ALX4: variants seen among roughly 807,000 people sequenced by gnomAD.
ALX4 encodes homeobox protein aristaless-like 4.
ALX4 carries 22 observed loss-of-function variants against 40.6 expected under a neutral mutation model. That is an observed-to-expected ratio of 0.54 (90% CI 0.39 to 0.77). ALX4 has a LOEUF of 0.77. ALX4 is among the 30% of genes least tolerant of loss of function. The pLI, the probability that ALX4 is intolerant of heterozygous loss-of-function variation, is 0.00. For missense variants in ALX4, 556 were observed against 564.8 expected (o/e 0.98, Z 0.16); for synonymous variants, 266 against 240.5 (o/e 1.11, Z -0.98).
chr11:44,286,717 T>G (rs1178626658), intron 1 of ALX4, among the ~76,000 whole-genome samples: 1 of 152,044 alleles, frequency 6.6e-6, no homozygotes, highest in Non-Finnish European at 1.5e-5. Flanking sequence ...CAGGGGTCTT[T>G]CCTCCCCTAG....
chr11:44,307,576 A>C (rs938631396), intron 1 of ALX4, among the ~76,000 whole-genome samples: 5 of 152,220 alleles, frequency 3.3e-5, no homozygotes. Context: ...ATTTTCATTA[A>C]AATATGAAAA....
At chr11:44,269,555 C>CA (rs1365879339) in intron 2 of ALX4, among the ~76,000 whole-genome samples, 24 of 152,348 alleles carry the variant, frequency 1.6e-4, no homozygotes, top group African/African-American at 5.3e-4. Flanking sequence ...CACGCACGTG[C>CA]ATGTGTGCAC....
intron 1 of ALX4, among the ~76,000 whole-genome samples, chr11:44,292,536 A>G (rs1343323020): frequency 1.3e-5 from 2 of 152,100 alleles, no homozygotes; most frequent in African/African-American, 4.8e-5. Flanking sequence ...GTACTTTAGG[A>G]AAGTCATCAA....
intron 1 of ALX4, among the ~76,000 whole-genome samples, chr11:44,279,170 G>A (rs1386778099): frequency 6.6e-6 from 1 of 152,110 alleles, no homozygotes; most frequent in Non-Finnish European, 1.5e-5. Context: ...CTGCCCCCAG[G>A]ACAGCAGAAC....
At position 44,260,712 on chromosome 11, in the gene ALX4, C is replaced by A. The variant is rs1590682848; in HGVS notation, c.*4142G>T. The A allele has an allele frequency of 1.3e-5, 2 of 151,970 alleles. No homozygotes were observed. The highest frequency in any genetic ancestry group is 1.3e-4 in the Admixed American group (2 of 15,278). 9.4% of individuals were successfully genotyped at this position (151,970 alleles called of 1,614,324 possible). On this transcript the variant is annotated 3_prime_UTR_variant, in exon 4 of 4. Transcript: ENST00000652299. ...AGGCAGTAAAACTTTATGGAACCGACCTCATTTTTTTTTTTACATTTTTCT... is the reference window on the plus strand; with the variant it reads ...AGGCAGTAAAACTTTATGGAACCGAACTCATTTTTTTTTTTACATTTTTCT...
intron 2 of ALX4, among the ~76,000 whole-genome samples, 155 bp downstream of exon 2, chr11:44,275,193 G>A (rs1448695529): frequency 2.0e-5 from 3 of 152,156 alleles, no homozygotes; most frequent in Non-Finnish European, 4.4e-5. Context: ...GGGCATGAGG[G>A]GCAGGCTAGG....
At position 44,264,677 on chromosome 11, in the gene ALX4, C is replaced by T; in HGVS notation, c.*177G>A. Reference sequence around the variant, plus strand: ...CAGGGAGGGGCCAGGGGCCTGCTGCCCCCTCCCTCCCAGCAGTCCACGGGG... The same window carrying T: ...CAGGGAGGGGCCAGGGGCCTGCTGCTCCCTCCCTCCCAGCAGTCCACGGGG... On this transcript the variant is annotated 3_prime_UTR_variant, in exon 4 of 4. Coordinates refer to ENST00000652299, the MANE Select transcript of ALX4 (RefSeq NM_021926.4). 2.9e-6 allele frequency: 2 copies of T among 696,774 alleles called. No homozygotes were observed. The highest frequency in any genetic ancestry group is 4.7e-6 in the Non-Finnish European group (2 of 424,894). The allele number at this position is 696,774 out of a possible 1,614,324, so 43.2% of individuals were successfully genotyped here.
chr11:44,273,405 A>G (rs182262432), intron 2 of ALX4, among the ~76,000 whole-genome samples: 17 of 152,280 alleles, frequency 1.1e-4, no homozygotes, highest in African/African-American at 4.1e-4. Context: ...TTGGCTACTC[A>G]TGGGTCTTTT....
At chr11:44,307,168 G>T (rs979993082) in intron 1 of ALX4, among the ~76,000 whole-genome samples, 3 of 128,396 alleles carry the variant, frequency 2.3e-5, no homozygotes, top group African/African-American at 8.7e-5. Context: ...GTGGGTGGGG[G>T]TTGGGAGGGG....
chr11:44,275,704 CAAGAG>C, intron 1 of ALX4, 46 bp from the exon 2 acceptor site: 5 of 1,579,262 alleles, frequency 3.2e-6, no homozygotes, highest in Non-Finnish European at 4.3e-6. Flanking sequence ...TTGAACCAAA[CAAGAG>C]AAGGGGAATG....
At chr11:44,306,228 C>T (rs1239482011) in intron 1 of ALX4, among the ~76,000 whole-genome samples, 1 of 152,248 alleles carries the variant, frequency 6.6e-6, no homozygotes, top group Non-Finnish European at 1.5e-5. Context: ...CCGCCTTAAT[C>T]GTCGTTCTTT....
intron 1 of ALX4, among the ~76,000 whole-genome samples, chr11:44,283,182 G>A (rs1956319739): frequency 6.8e-6 from 1 of 148,032 alleles, no homozygotes; most frequent in Non-Finnish European, 1.5e-5. Context: ...GGGAGGTGCA[G>A]ATTACACTGA....
chr11:44,301,580 AG>A (rs1266009860), intron 1 of ALX4, among the ~76,000 whole-genome samples: 2 of 152,232 alleles, frequency 1.3e-5, no homozygotes, highest in African/African-American at 4.8e-5. Flanking sequence ...AAGGAGACTG[AG>A]GCAGAACTGC....
rs528562848 is a variant in ALX4 at position 44,277,190 on chromosome 11, A to G, written c.467-1532T>C. Among the ~76,000 whole-genome samples the G allele has an allele frequency of 7.4e-4, 112 of 152,282 alleles. No homozygotes were observed. The South Asian group carries it at 0.022, about 30-fold the overall frequency. ...GTGCTAGCTATGTAGTTTTGCCATT[A>G]TTGATATTCACATTTCTAGTCTGGA... On this transcript the variant is annotated intron_variant, in intron 1 of 3. Transcript: ENST00000652299.
chr11:44,292,596 T>C (rs577404888), intron 1 of ALX4, among the ~76,000 whole-genome samples: 1 of 152,204 alleles, frequency 6.6e-6, no homozygotes, highest in South Asian at 2.1e-4. Context: ...ATTTGCTTTT[T>C]AAAAAATCCA....
In ALX4 at chr11:44,264,940, C is replaced by G. The variant is rs763307132; in HGVS notation, c.1150G>C (p.Gly384Arg). The G allele has an allele frequency of 9.3e-6, 15 of 1,612,924 alleles. No individual in the cohort carries two copies. The highest frequency in any genetic ancestry group is 1.3e-5 in the Non-Finnish European group (15 of 1,179,936). The part of the protein sequence containing the change: ...SPGLNGYELN[G>R]EPDRKTSSIA... ...CTCGAGGTCTTGCGGTCCGGCTCGC[C>G]GTTGAGCTCGTAGCCATTGAGGCCT... is the stretch of plus-strand genomic sequence containing the variant. Residue 384 changes from glycine to arginine, a missense_variant, in exon 4 of 4, where the codon GGC (glycine) becomes CGC (arginine). By Grantham distance (125) the Gly-to-Arg change is moderately radical (BLOSUM62 -2). Transcript: ENST00000652299.
At position 44,310,105 on chromosome 11, in the gene ALX4, G is replaced by T. The variant is rs1160095338; in HGVS notation, c.-43C>A. ...GGCGGGCGGGGACGCGAGCGAGGGC[G>T]CGAGGACGCCACCGCGCGCCTTGGC... On this transcript the variant is annotated 5_prime_UTR_variant, in exon 1 of 4. Coordinates refer to ENST00000652299, the MANE Select transcript of ALX4 (RefSeq NM_021926.4). The T allele has an allele frequency of 2.0e-6, 3 of 1,537,902 alleles. No homozygotes were observed. Among genetic ancestry groups the T allele is most frequent in the Admixed American group, 3.9e-5 (2 of 50,832 alleles).
At chr11:44,300,948 G>A (rs1404248677) in intron 1 of ALX4, among the ~76,000 whole-genome samples, 1 of 152,214 alleles carries the variant, frequency 6.6e-6, no homozygotes, top group Non-Finnish European at 1.5e-5. Context: ...GCACGCCCCA[G>A]GGCAAGCCAG....
At chr11:44,275,715 G>A (rs957960219) in intron 1 of ALX4, 57 bp from the exon 2 acceptor site, 1 of 1,557,862 alleles carries the variant, frequency 6.4e-7, no homozygotes, top group Admixed American at 1.8e-5. Flanking sequence ...AAGAGAAGGG[G>A]AATGTCAGGG....
Sources: allele counts gnomAD v4.1 joint callset (sites outside exome capture counted in the v4.1 genomes callset), GRCh38; gene constraint gnomAD v4.1.1; transcripts MANE v1.5; gene names NCBI Gene and HGNC (gene_info 2026-07-23, HGNC 2026-07-21).